RASGRF1: variants seen among roughly 807,000 people sequenced by gnomAD.
RASGRF1 encodes the protein Ras protein specific guanine nucleotide releasing factor 1.
A neutral mutation model predicts 138.7 loss-of-function variants in RASGRF1; 40 were observed. The ratio of observed to expected loss-of-function variants is 0.29; its 90% confidence interval spans 0.22 to 0.38. RASGRF1 has a LOEUF of 0.38. RASGRF1 is among the 10% of genes least tolerant of loss of function. The probability of loss-of-function intolerance (pLI) is 1.00; values close to 1 mark genes in which losing one functional copy is unlikely to be tolerated. For synonymous variants in RASGRF1, 614 were observed against 663.2 expected, an observed-to-expected ratio of 0.93 and a Z score of 1.14; for missense variants, 1,108 against 1,650.4, an observed-to-expected ratio of 0.67 and a Z score of 5.69.
At chr15:79,049,911 T>C (rs1254980801) in intron 3 of RASGRF1, among the ~76,000 whole-genome samples, 1 of 152,160 alleles carries the variant, frequency 6.6e-6, no homozygotes, top group Non-Finnish European at 1.5e-5. Flanking sequence ...ATCTCAGAAT[T>C]TGGCCTAAAT....
intron 8 of RASGRF1, among the ~76,000 whole-genome samples, chr15:79,029,103 T>C (rs2057101111): frequency 2.6e-5 from 4 of 152,268 alleles, no homozygotes; most frequent in Non-Finnish European, 5.9e-5. Context: ...TTATTATCTT[T>C]CCTGGTTGAG....
At chr15:79,005,082 T>A (rs1025397961) in intron 14 of RASGRF1, 2 of 985,418 alleles carry the variant, frequency 2.0e-6, no homozygotes, top group Non-Finnish European at 2.4e-6. Context: ...GGTAAATCCA[T>A]CCTGGATGGG....
intron 15 of RASGRF1, among the ~76,000 whole-genome samples, 167 bp downstream of exon 15, chr15:79,003,635 C>A (rs1394483748): frequency 6.6e-6 from 1 of 152,268 alleles, no homozygotes; most frequent in East Asian, 1.9e-4. Flanking sequence ...CCTCTCTGCA[C>A]CGCCCAGACT....
rs368271057 is a variant in RASGRF1, at chr15:79,006,467, G to C, written c.1827-33C>G. 1 of 1,590,414 alleles carries C rather than the reference G, an allele frequency of 6.3e-7. No homozygotes were observed. Among genetic ancestry groups the C allele is most frequent in the Non-Finnish European group, 8.5e-7 (1 of 1,170,328 alleles). On this transcript the variant is annotated intron_variant, in intron 13 of 26. Coordinates refer to ENST00000558480, the MANE Select transcript of RASGRF1 (RefSeq NM_001145648.3). The surrounding 1 kb of genome is among the most constrained non-coding windows in gnomAD (Gnocchi z 4.0). The stretch of plus-strand genomic sequence containing the variant: ...GGGAGGAAGGATGCAGAGGTGATGT[G>C]GGTCTAAAGGCATCTGAATGGCACC...
intron 24 of RASGRF1, chr15:78,978,374 G>A: frequency 2.9e-6 from 1 of 339,678 alleles, no homozygotes; most frequent in Non-Finnish European, 4.2e-6. Context: ...ATAGGCATGT[G>A]CCACCACGCC....
At chr15:78,969,526 G>A (rs967615501) in intron 26 of RASGRF1, among the ~76,000 whole-genome samples, 9 of 152,070 alleles carry the variant, frequency 5.9e-5, no homozygotes, top group East Asian at 5.8e-4. Context: ...AAAATTAGCC[G>A]GGCGTGGTGG....
chr15:79,060,504 A>G (rs1450340524), intron 2 of RASGRF1, among the ~76,000 whole-genome samples: 1 of 152,216 alleles, frequency 6.6e-6, no homozygotes, highest in African/African-American at 2.4e-5. Context: ...ATTACCTGGC[A>G]GTTGCAGAGC....
In RASGRF1 at chr15:79,050,619, A is replaced by C. The variant is rs1177285632; in HGVS notation, c.532-1031T>G. Among the ~76,000 whole-genome samples the C allele has an allele frequency of 7.2e-5, 11 of 152,212 alleles. No homozygotes were observed. The highest frequency in any genetic ancestry group is 2.4e-4 in the African/African-American group (10 of 41,440). On this transcript the variant is annotated intron_variant, in intron 3 of 26. Transcript: ENST00000558480. This position sits in a 1 kb window ranked among gnomAD's most constrained non-coding sequence, Gnocchi z 4.1. ...CTCTTCAAATATCTAGCTGCTCTAA[A>C]CATCTCCATTTGCATAATTTGGGGA...
chr15:78,997,547 A>G (rs2141681492), intron 19 of RASGRF1, among the ~76,000 whole-genome samples: 1 of 152,226 alleles, frequency 6.6e-6, no homozygotes, highest in East Asian at 1.9e-4. Context: ...AGCCTGGCCA[A>G]CATGGTGAAA....
intron 12 of RASGRF1, among the ~76,000 whole-genome samples, chr15:79,016,855 T>C (rs2056886030): frequency 1.3e-5 from 2 of 152,178 alleles, no homozygotes; most frequent in African/African-American, 4.8e-5. Context: ...CCCACGAAGA[T>C]GCTGCCCTGC....
chr15:79,000,011 C>A (rs2056485461), intron 16 of RASGRF1, 98 bp from the exon 17 acceptor site: 4 of 1,322,394 alleles, frequency 3.0e-6, no homozygotes, highest in Middle Eastern at 3.8e-4. Context: ...GCCTTAAGAG[C>A]CAGCAGGCTG....
intron 13 of RASGRF1, among the ~76,000 whole-genome samples, chr15:79,008,512 T>C (rs1419562042): frequency 6.6e-6 from 1 of 152,226 alleles, no homozygotes; most frequent in Non-Finnish European, 1.5e-5. Flanking sequence ...ACTGCATCTA[T>C]GGGACCTTGA....
intron 1 of RASGRF1, among the ~76,000 whole-genome samples, chr15:79,089,563 C>T (rs1360372397): frequency 6.6e-6 from 1 of 152,252 alleles, no homozygotes; most frequent in Non-Finnish European, 1.5e-5. Context: ...CAGCCCTGGC[C>T]CTAGCCCCGG....
At position 79,032,848 on chromosome 15, in the gene RASGRF1, G is replaced by A. The variant is rs982205072; in HGVS notation, c.959-532C>T. ...CCAGTTCCTCCCTCTGCCTGTCCCC[G>A]TGCCCTATGGTGCTATGGCCTAGGA... On this transcript the variant is annotated intron_variant, in intron 6 of 26. Coordinates refer to ENST00000558480, the MANE Select transcript of RASGRF1 (RefSeq NM_001145648.3). This position sits in a 1 kb window ranked among gnomAD's most constrained non-coding sequence, Gnocchi z 4.5. Among the ~76,000 whole-genome samples, 3 of 152,276 alleles carry A rather than the reference G, an allele frequency of 2.0e-5. No homozygotes were observed. The highest frequency in any genetic ancestry group is 1.3e-4 in the Admixed American group (2 of 15,302).
intron 21 of RASGRF1, 81 bp downstream of exon 21, chr15:78,991,610 T>C (rs2056268599): frequency 5.2e-6 from 6 of 1,144,364 alleles, no homozygotes; most frequent in East Asian, 4.8e-5. Flanking sequence ...CTCTGGAAAT[T>C]CACTGCGTGT....
chr15:79,012,632 T>G, intron 13 of RASGRF1: 1 of 1,508,196 alleles, frequency 6.6e-7, no homozygotes, highest in Non-Finnish European at 9.0e-7. Context: ...ATTCAAAATT[T>G]TGTTATTTTT....
intron 3 of RASGRF1, among the ~76,000 whole-genome samples, chr15:79,053,173 G>C (rs1218769012): frequency 1.3e-5 from 2 of 152,124 alleles, no homozygotes; most frequent in Admixed American, 6.5e-5. Context: ...GCTGAGGCAG[G>C]AGAATTGCTT....
chr15:78,959,985 G>C lies in RASGRF1; in HGVS notation c.*2159C>G, dbSNP rs961376416. ...TTCATTTAATTCTACTCTGTAATGAGATACCATTTTCATCCCCATTTTTCA... is the reference window on the plus strand; with the variant it reads ...TTCATTTAATTCTACTCTGTAATGACATACCATTTTCATCCCCATTTTTCA... On this transcript the variant is annotated 3_prime_UTR_variant, in exon 27 of 27. Transcript: ENST00000558480. 2.6e-5 allele frequency: 4 copies of C among 152,126 alleles called. No individual in the cohort carries two copies. Among genetic ancestry groups the C allele is most frequent in the African/African-American group, 9.7e-5 (4 of 41,414 alleles). The allele number at this position is 152,126 out of a possible 1,614,324, so 9.4% of individuals were successfully genotyped here. A position where few individuals can be genotyped will look rare whatever the true frequency, so the allele number is the denominator to read the frequency against.
chr15:79,076,454 G>A (rs1309546258), intron 1 of RASGRF1, among the ~76,000 whole-genome samples: 1 of 152,212 alleles, frequency 6.6e-6, no homozygotes, highest in Non-Finnish European at 1.5e-5. Flanking sequence ...CCTCTCAGAG[G>A]CCCATGGTCC....
Sources: gnomAD v4.1 joint callset for allele counts (sites outside exome capture counted in the v4.1 genomes callset) on GRCh38, gnomAD v4.1.1 for gene constraint, Gnocchi (gnomAD v3.1) non-coding constraint, MANE v1.5 for transcripts, NCBI Gene and HGNC (gene_info 2026-07-23, HGNC 2026-07-21) for gene names.